Variants in NRXN1 observed in about 807,000 individuals in gnomAD.
NRXN1 encodes the protein neurexin-1.
NRXN1 carries 39 observed loss-of-function variants against 150.9 expected under a neutral mutation model. The observed-to-expected ratio is 0.26, with a 90% CI of 0.20 to 0.34. The LOEUF is 0.34. Ranked by LOEUF, NRXN1 falls within the 10% of genes least tolerant of loss-of-function variation. The pLI is 1.00. For synonymous variants in NRXN1, 924 were observed against 757.0 expected, an observed-to-expected ratio of 1.22 and a Z score of -3.62; for missense variants, 1,815 against 1,949.9, an observed-to-expected ratio of 0.93 and a Z score of 1.30.
At chr2:50,649,259 T>TAC (rs10634117) in intron 5 of NRXN1, among the ~76,000 whole-genome samples, 63,442 of 143,036 alleles carry the variant, frequency 0.44, 13,986 homozygotes, top group East Asian at 0.58. Flanking sequence ...CATACACACA[T>TAC]ACACACACAC....
At chr2:50,481,651 T>A (rs1355649417) in intron 15 of NRXN1, among the ~76,000 whole-genome samples, 1 of 151,938 alleles carries the variant, frequency 6.6e-6, no homozygotes, top group Non-Finnish European at 1.5e-5. Flanking sequence ...CCCAAGAAGA[T>A]AAGAGTTTAG....
chr2:50,237,573 C>T (rs1474261657), intron 17 of NRXN1, among the ~76,000 whole-genome samples: 1 of 151,528 alleles, frequency 6.6e-6, no homozygotes, highest in Non-Finnish European at 1.5e-5. Flanking sequence ...TAACAAGCAA[C>T]ATCTAGTAGC....
At chr2:50,950,560 G>A (rs955685122) in intron 2 of NRXN1, among the ~76,000 whole-genome samples, 2 of 152,034 alleles carry the variant, frequency 1.3e-5, no homozygotes, top group Non-Finnish European at 2.9e-5. Flanking sequence ...ATTTTGTATC[G>A]GATAAGTCTT....
At chr2:50,324,277 AC>A (rs1463214605) in intron 17 of NRXN1, among the ~76,000 whole-genome samples, 1 of 152,228 alleles carries the variant, frequency 6.6e-6, no homozygotes, top group African/African-American at 2.4e-5. Context: ...CAGTTAGGCA[AC>A]CGATTAAATG....
At chr2:50,697,555 T>C (rs1019413488) in intron 5 of NRXN1, among the ~76,000 whole-genome samples, 7 of 152,206 alleles carry the variant, frequency 4.6e-5, no homozygotes, top group African/African-American at 1.7e-4. Context: ...TTACTTCCTC[T>C]GTGGTTTCAT....
chr2:50,365,138 T>C (rs933858333), intron 17 of NRXN1, among the ~76,000 whole-genome samples: 12 of 151,974 alleles, frequency 7.9e-5, no homozygotes, highest in African/African-American at 2.7e-4. Flanking sequence ...AGTAAAAGTA[T>C]AGGTGATTTT....
intron 18 of NRXN1, among the ~76,000 whole-genome samples, chr2:50,133,832 A>G (rs1306939650): frequency 2.6e-5 from 4 of 152,214 alleles, no homozygotes; most frequent in Non-Finnish European, 5.9e-5. Flanking sequence ...ATGAAATCAT[A>G]CATCTAACTG....
intron 18 of NRXN1, among the ~76,000 whole-genome samples, chr2:50,116,430 C>T (rs528982974): frequency 2.4e-4 from 37 of 152,122 alleles, no homozygotes; most frequent in Middle Eastern, 3.4e-3. Context: ...AAAAGATTTG[C>T]AATGAAAATG....
intron 21 of NRXN1, among the ~76,000 whole-genome samples, chr2:50,007,293 C>G (rs549945162): frequency 4.6e-4 from 70 of 152,186 alleles, no homozygotes; most frequent in African/African-American, 1.6e-3. Flanking sequence ...TCGCAGTGAG[C>G]TTTGATCCCA....
intron 5 of NRXN1, among the ~76,000 whole-genome samples, chr2:50,628,831 AAAC>A (rs1441401432): frequency 1.3e-5 from 2 of 151,790 alleles, no homozygotes; most frequent in African/African-American, 4.8e-5. Flanking sequence ...CAACAACAAA[AAAC>A]AAAAACGCAA....
chr2:50,868,163 A>ATG (rs1677221994), intron 5 of NRXN1, among the ~76,000 whole-genome samples: 2 of 76,768 alleles, frequency 2.6e-5, no homozygotes, highest in African/African-American at 7.2e-5. Context: ...ATATATATAT[A>ATG]TATATATATA....
At chr2:50,953,763 G>A (rs1440382092) in intron 2 of NRXN1, among the ~76,000 whole-genome samples, 4 of 151,956 alleles carry the variant, frequency 2.6e-5, no homozygotes, top group Non-Finnish European at 2.9e-5. Context: ...ATTTCACCAT[G>A]TTGGCCAGAT....
intron 21 of NRXN1, among the ~76,000 whole-genome samples, chr2:50,001,484 C>T (rs959110892): frequency 2.0e-5 from 3 of 152,020 alleles, no homozygotes; most frequent in African/African-American, 7.2e-5. Flanking sequence ...GCTATTATCA[C>T]AGTGAGCCAC....
chr2:50,860,360 C>G (rs1163574306), intron 5 of NRXN1, among the ~76,000 whole-genome samples: 1 of 151,750 alleles, frequency 6.6e-6, no homozygotes, highest in East Asian at 1.9e-4. Context: ...TATTTTTATT[C>G]TGTTTATAGA....
At chr2:50,710,900 T>A (rs1440716112) in intron 5 of NRXN1, among the ~76,000 whole-genome samples, 4 of 152,176 alleles carry the variant, frequency 2.6e-5, no homozygotes, top group Admixed American at 6.5e-5. Context: ...ACCTTTCTGT[T>A]TGCAACTGTA....
chr2:50,505,183 T>C (rs531405495), intron 13 of NRXN1, among the ~76,000 whole-genome samples: 2 of 152,182 alleles, frequency 1.3e-5, no homozygotes, highest in Non-Finnish European at 2.9e-5. Context: ...TATTGACAAA[T>C]ATAAAGCAAG....
At chr2:50,970,129 G>C (rs1575087181) in intron 2 of NRXN1, among the ~76,000 whole-genome samples, 1 of 152,054 alleles carries the variant, frequency 6.6e-6, no homozygotes, top group East Asian at 1.9e-4. Flanking sequence ...TTCTTTATGG[G>C]TCAGTTTTTA....
chr2:50,903,182 CTAAAA>C (rs1384048848), intron 5 of NRXN1, among the ~76,000 whole-genome samples: 1 of 152,004 alleles, frequency 6.6e-6, no homozygotes, highest in African/African-American at 2.4e-5. Context: ...AAAAGATAAA[CTAAAA>C]TAAGTAAGAT....
At chr2:50,271,659 C>T (rs77255905) in intron 17 of NRXN1, among the ~76,000 whole-genome samples, 5 of 152,208 alleles carry the variant, frequency 3.3e-5, no homozygotes, top group South Asian at 2.1e-4. Context: ...TATGGGCACA[C>T]AGGAAAATTT....
Sources: gnomAD v4.1 joint callset for allele counts (sites outside exome capture counted in the v4.1 genomes callset) on GRCh38, gnomAD v4.1.1 for gene constraint, MANE v1.5 for transcripts, NCBI Gene and HGNC (gene_info 2026-07-23, HGNC 2026-07-21) for gene names.